Variants in ESRRG observed in about 807,000 individuals in gnomAD.
The protein encoded by ESRRG is estrogen related receptor gamma, also known as estrogen-related receptor gamma.
Under a neutral mutation model 44.0 loss-of-function variants are expected in ESRRG, and 13 were observed. The observed-to-expected ratio is 0.30, with a 90% CI of 0.19 to 0.47. The LOEUF (loss-of-function observed/expected upper bound fraction) is 0.47. Ranked by LOEUF, ESRRG falls within the 20% of genes least tolerant of loss-of-function variation. The probability of loss-of-function intolerance (pLI) is 1.00; values close to 1 mark genes in which losing one functional copy is unlikely to be tolerated. For synonymous variants in ESRRG, 215 were observed against 214.6 expected, an observed-to-expected ratio of 1.00 and a Z score of -0.02; for missense variants, 395 against 580.6, an observed-to-expected ratio of 0.68 and a Z score of 3.29.
At chr1:216,514,066 G>A (rs2043478459) in intron 6 of ESRRG, among the ~76,000 whole-genome samples, 1 of 152,052 alleles carries the variant, frequency 6.6e-6, no homozygotes, top group Non-Finnish European at 1.5e-5. Flanking sequence ...ACCTTTGGAA[G>A]GCCAAAGCTA....
chr1:216,848,761 G>A (rs1378956914), intron 2 of ESRRG, among the ~76,000 whole-genome samples: 1 of 151,404 alleles, frequency 6.6e-6, no homozygotes, highest in Non-Finnish European at 1.5e-5. Flanking sequence ...TCTCTGTTTG[G>A]TGTGCCTCTG....
chr1:216,802,221 T>G (rs1443634004), intron 2 of ESRRG, among the ~76,000 whole-genome samples: 1 of 152,024 alleles, frequency 6.6e-6, no homozygotes, highest in African/African-American at 2.4e-5. Context: ...TTGAGCCATA[T>G]GGAGGCCAAG....
intron 1 of ESRRG, among the ~76,000 whole-genome samples, chr1:217,019,473 G>A (rs1458457383): frequency 6.6e-6 from 1 of 152,108 alleles, no homozygotes; most frequent in Non-Finnish European, 1.5e-5. Context: ...GCATATCCAT[G>A]GTAAGGAGAA....
At chr1:217,085,861 T>G (rs1476932933) in intron 1 of ESRRG, among the ~76,000 whole-genome samples, 1 of 152,022 alleles carries the variant, frequency 6.6e-6, no homozygotes, top group Non-Finnish European at 1.5e-5. Flanking sequence ...TGAGAACACA[T>G]AGAACTTACT....
chr1:216,976,404 C>G (rs1307148892), intron 1 of ESRRG, among the ~76,000 whole-genome samples: 1 of 151,714 alleles, frequency 6.6e-6, no homozygotes, highest in East Asian at 1.9e-4. Flanking sequence ...GAGAATTAAA[C>G]TAGGACACTA....
intron 3 of ESRRG, among the ~76,000 whole-genome samples, chr1:216,570,513 A>G (rs2060590493): frequency 6.6e-6 from 1 of 152,084 alleles, no homozygotes; most frequent in Non-Finnish European, 1.5e-5. Flanking sequence ...TTTTCTTCAG[A>G]ATAGTTTTCC....
At chr1:217,103,267 A>G (rs1352141881) in intron 1 of ESRRG, among the ~76,000 whole-genome samples, 1 of 152,094 alleles carries the variant, frequency 6.6e-6, no homozygotes, top group Non-Finnish European at 1.5e-5. Flanking sequence ...CTGCTGGAAG[A>G]TGAAGTGTGA....
intron 3 of ESRRG, among the ~76,000 whole-genome samples, chr1:216,591,566 T>C (rs2057671199): frequency 6.6e-6 from 1 of 152,240 alleles, no homozygotes; most frequent in African/African-American, 2.4e-5. Flanking sequence ...GGTTTCTTAA[T>C]TTCATTTTAT....
chr1:216,976,286 ATGTGTGTGTG>A (rs61142800), intron 1 of ESRRG, among the ~76,000 whole-genome samples: 23,730 of 146,904 alleles, frequency 0.16, 2,242 homozygotes, highest in East Asian at 0.38. Context: ...ATGCTCCTAA[ATGTGTGTGTG>A]TGTGTGTGTG....
chr1:216,759,004 C>T (rs1405114782), intron 2 of ESRRG, among the ~76,000 whole-genome samples: 1 of 151,964 alleles, frequency 6.6e-6, no homozygotes, highest in Non-Finnish European at 1.5e-5. Flanking sequence ...TGCAGGAGGT[C>T]ACACTGCTGG....
At chr1:216,736,176 ATTTTTTTT>A (rs34469625) in intron 2 of ESRRG, among the ~76,000 whole-genome samples, 974 of 82,696 alleles carry the variant, frequency 0.012, 15 homozygotes, top group African/African-American at 0.046. Flanking sequence ...GTTAAGGACT[ATTTTTTTT>A]TTTTTTTTTT....
intron 1 of ESRRG, among the ~76,000 whole-genome samples, chr1:217,130,093 G>A (rs140439015): frequency 9.8e-5 from 15 of 152,330 alleles, no homozygotes; most frequent in Admixed American, 5.2e-4. Context: ...ATTTTAAGGA[G>A]TGGAATACTA....
intron 1 of ESRRG, among the ~76,000 whole-genome samples, chr1:217,073,702 T>C (rs1408971106): frequency 6.7e-6 from 1 of 149,916 alleles, no homozygotes; most frequent in African/African-American, 2.5e-5. Context: ...GGACAATATA[T>C]AAGAGCTGGA....
chr1:216,866,609 T>C (rs963131230), intron 2 of ESRRG, among the ~76,000 whole-genome samples: 3 of 151,856 alleles, frequency 2.0e-5, no homozygotes, highest in Non-Finnish European at 4.4e-5. Flanking sequence ...TCTTACTCCA[T>C]CACTCAGCTG....
At chr1:216,996,854 T>C (rs948731868) in intron 1 of ESRRG, among the ~76,000 whole-genome samples, 7 of 152,112 alleles carry the variant, frequency 4.6e-5, no homozygotes, top group Non-Finnish European at 5.9e-5. Flanking sequence ...ACACAACCTA[T>C]GGCCCCAATG....
chr1:216,524,259 T>C (rs1302924545), intron 5 of ESRRG, among the ~76,000 whole-genome samples: 1 of 146,828 alleles, frequency 6.8e-6, no homozygotes, highest in Non-Finnish European at 1.5e-5. Flanking sequence ...GTTATATATA[T>C]ATATATATAG....
At chr1:216,605,160 G>A (rs1367206308) in intron 3 of ESRRG, among the ~76,000 whole-genome samples, 1 of 151,824 alleles carries the variant, frequency 6.6e-6, no homozygotes, top group Non-Finnish European at 1.5e-5. Context: ...TCTTTTTTTT[G>A]CATTAATATT....
chr1:216,564,419 G>A, intron 4 of ESRRG, 39 bp from the exon 5 acceptor site: 4 of 1,524,488 alleles, frequency 2.6e-6, no homozygotes, highest in Non-Finnish European at 3.5e-6. Context: ...ATCACTAGTA[G>A]TATCATCCCT....
At chr1:216,889,692 T>C (rs1337833704) in intron 2 of ESRRG, among the ~76,000 whole-genome samples, 2 of 152,162 alleles carry the variant, frequency 1.3e-5, no homozygotes, top group African/African-American at 2.4e-5. Flanking sequence ...AACATTTTTT[T>C]TGTTTTGTTT....
Sources: gnomAD v4.1 joint callset for allele counts (sites outside exome capture counted in the v4.1 genomes callset) on GRCh38, gnomAD v4.1.1 for gene constraint, MANE v1.5 for transcripts, NCBI Gene and HGNC (gene_info 2026-07-23, HGNC 2026-07-21) for gene names.